Variants in RGS7 observed in about 807,000 individuals in gnomAD.
The protein encoded by RGS7 is regulator of G-protein signaling 7.
A neutral mutation model predicts 81.1 loss-of-function variants in RGS7; 27 were observed. The observed-to-expected ratio is 0.33, with a 90% CI of 0.25 to 0.46. RGS7 has a LOEUF of 0.46. Among genes scored for constraint, RGS7 ranks in the 20% least tolerant of loss-of-function variants. The pLI is 1.00. For missense variants in RGS7, 396 were observed against 607.4 expected (o/e 0.65, Z 3.66); for synonymous variants, 208 against 207.7 (o/e 1.00, Z -0.01).
At chr1:241,316,498 G>A (rs1285758204) in intron 2 of RGS7, among the ~76,000 whole-genome samples, 3 of 152,160 alleles carry the variant, frequency 2.0e-5, no homozygotes, top group Non-Finnish European at 4.4e-5. Flanking sequence ...TAATACTTTG[G>A]AGATTCCCGG....
chr1:241,356,275 T>C (rs1039264001), intron 1 of RGS7, among the ~76,000 whole-genome samples: 2 of 152,084 alleles, frequency 1.3e-5, no homozygotes, highest in Non-Finnish European at 2.9e-5. Flanking sequence ...ATCTGTCTAG[T>C]GTCCCCACCT....
chr1:241,186,430 A>T (rs1403936603), intron 2 of RGS7: 7 of 896,172 alleles, frequency 7.8e-6, no homozygotes, highest in Non-Finnish European at 9.3e-6. Flanking sequence ...AACATCTAAG[A>T]TTGTTTTTTT....
chr1:241,242,864 T>G lies in RGS7; in HGVS notation c.78+112835A>C, dbSNP rs145165412. ...TCTTCCTGATTTTTGGAGTTCCTTG[T>G]ACATTCTGGATATTAGTCCTTTGTC... On this transcript the variant is annotated intron_variant, in intron 2 of 18. Transcript: ENST00000440928. Among the ~76,000 whole-genome samples the G allele has an allele frequency of 8.7e-4, 132 of 152,346 alleles. 1 individual carries two copies. Among genetic ancestry groups the G allele is most frequent in the South Asian group, 2.1e-4 (1 of 4,830 alleles).
chr1:241,055,982 G>T lies in RGS7; in HGVS notation c.175+42684C>A, dbSNP rs1017417578. Reference sequence around the variant, plus strand: ...ATCACCATATTAAGTTAGGCTATGTGTGTATTTGTTTGCAACACAAAACAT... The same window carrying T: ...ATCACCATATTAAGTTAGGCTATGTTTGTATTTGTTTGCAACACAAAACAT... On this transcript the variant is annotated intron_variant, in intron 3 of 18. Transcript: ENST00000440928. Among the ~76,000 whole-genome samples, 50 of 152,292 alleles carry T rather than the reference G, an allele frequency of 3.3e-4. 1 individual carries two copies. The highest frequency in any genetic ancestry group is 1.1e-3 in the African/African-American group (45 of 41,552).
intron 2 of RGS7, among the ~76,000 whole-genome samples, chr1:241,275,307 A>G (rs1050621509): frequency 6.6e-6 from 1 of 152,210 alleles, no homozygotes; most frequent in Non-Finnish European, 1.5e-5. Flanking sequence ...TTAGATTATG[A>G]GCTAAGAAAG....
intron 2 of RGS7, among the ~76,000 whole-genome samples, chr1:241,232,378 A>T (rs566806848): frequency 1.1e-4 from 17 of 150,392 alleles, no homozygotes; most frequent in Admixed American, 1.3e-4. Context: ...AAATACATAT[A>T]TTTTTTTTTG....
intron 3 of RGS7, among the ~76,000 whole-genome samples, chr1:241,019,793 T>C (rs111611222): frequency 0.09 from 13,732 of 152,272 alleles, 676 homozygotes; most frequent in Middle Eastern, 0.16. Context: ...GTCTTTGCTA[T>C]TGTGAATAGT....
At chr1:241,241,245 G>T (rs570377803) in intron 2 of RGS7, among the ~76,000 whole-genome samples, 1 of 151,946 alleles carries the variant, frequency 6.6e-6, no homozygotes, top group African/African-American at 2.4e-5. Flanking sequence ...TGGACCTCTT[G>T]CCCAACTTCT....
intron 3 of RGS7, among the ~76,000 whole-genome samples, chr1:241,054,095 G>T (rs1453068819): frequency 6.6e-6 from 1 of 152,112 alleles, no homozygotes; most frequent in African/African-American, 2.4e-5. Context: ...TGAATTAATG[G>T]CCTGACAGTA....
intron 2 of RGS7, among the ~76,000 whole-genome samples, chr1:241,306,676 C>T (rs2080179825): frequency 6.6e-6 from 1 of 152,002 alleles, no homozygotes; most frequent in Non-Finnish European, 1.5e-5. Context: ...CCACCCAACA[C>T]ATGCACACAC....
At chr1:241,090,523 T>C (rs7530258) in intron 3 of RGS7, among the ~76,000 whole-genome samples, 7,156 of 152,130 alleles carry the variant, frequency 0.047, 577 homozygotes, top group African/African-American at 0.16. Flanking sequence ...CATTTAGAAA[T>C]ATTTAATTTA....
chr1:241,101,616 G>A (rs2064749590), intron 2 of RGS7, among the ~76,000 whole-genome samples: 2 of 152,090 alleles, frequency 1.3e-5, no homozygotes, highest in East Asian at 1.9e-4. Flanking sequence ...ATAAAGATCT[G>A]TAATAAAGAT....
At chr1:240,930,685 T>C in intron 6 of RGS7, 32 bp downstream of exon 6, 1 of 1,601,696 alleles carries the variant, frequency 6.2e-7, no homozygotes, top group Non-Finnish European at 8.6e-7. Context: ...ATACAGGCTG[T>C]CAATAATAAA....
At chr1:240,846,017 T>G (rs546732016) in intron 9 of RGS7, among the ~76,000 whole-genome samples, 1 of 152,184 alleles carries the variant, frequency 6.6e-6, no homozygotes, top group Non-Finnish European at 1.5e-5. Flanking sequence ...TTTAATGTCA[T>G]CCAAAAGGAT....
intron 4 of RGS7, among the ~76,000 whole-genome samples, chr1:240,937,345 G>A (rs1399458803): frequency 3.3e-5 from 5 of 152,128 alleles, no homozygotes; most frequent in African/African-American, 1.2e-4. Context: ...TTTTCCTTGC[G>A]ACTCCCAGCT....
intron 6 of RGS7, among the ~76,000 whole-genome samples, chr1:240,907,785 C>A (rs1254236828): frequency 6.6e-6 from 1 of 152,096 alleles, no homozygotes; most frequent in Admixed American, 6.6e-5. Context: ...GAAGCAATGA[C>A]AAGATAAGTC....
At chr1:241,138,530 T>C (rs2067690609) in intron 2 of RGS7, among the ~76,000 whole-genome samples, 1 of 152,106 alleles carries the variant, frequency 6.6e-6, no homozygotes, top group Non-Finnish European at 1.5e-5. Context: ...CTGGCTTCTG[T>C]GGAACTTGGT....
intron 3 of RGS7, among the ~76,000 whole-genome samples, chr1:241,059,898 T>C (rs955429460): frequency 3.3e-5 from 5 of 150,016 alleles, no homozygotes; most frequent in African/African-American, 7.6e-5. Context: ...CTACACTCAC[T>C]CAATGGGCCA....
At chr1:241,041,208 T>G (rs964044272) in intron 3 of RGS7, among the ~76,000 whole-genome samples, 4 of 152,228 alleles carry the variant, frequency 2.6e-5, no homozygotes, top group Non-Finnish European at 5.9e-5. Context: ...TTTTTATTGC[T>G]TCAATTTTTA....
Sources: allele counts gnomAD v4.1 joint callset (sites outside exome capture counted in the v4.1 genomes callset), GRCh38; gene constraint gnomAD v4.1.1; transcripts MANE v1.5; gene names NCBI Gene and HGNC (gene_info 2026-07-23, HGNC 2026-07-21).